Variants in ROBO2 observed in about 807,000 individuals in gnomAD.
ROBO2 encodes roundabout homolog 2.
ROBO2 carries 53 observed loss-of-function variants against 160.8 expected under a neutral mutation model. The ratio of observed to expected loss-of-function variants is 0.33; its 90% CI spans 0.26 to 0.41. The LOEUF is 0.41. ROBO2 is among the 10% of genes least tolerant of loss of function. The probability of loss-of-function intolerance (pLI) is 1.00; values close to 1 mark genes in which losing one functional copy is unlikely to be tolerated. For synonymous variants in ROBO2, 664 were observed against 611.7 expected (o/e 1.09, Z -1.26); for missense variants, 1,577 against 1,722.4 (o/e 0.92, Z 1.49).
At chr3:77,501,028 G>T (rs1239307693) in intron 5 of ROBO2, among the ~76,000 whole-genome samples, 1 of 152,176 alleles carries the variant, frequency 6.6e-6, no homozygotes, top group Non-Finnish European at 1.5e-5. Context: ...AGAGCAAAAG[G>T]ATCTGTCTGT....
At chr3:77,610,895 T>G (rs1345352440) in intron 21 of ROBO2, among the ~76,000 whole-genome samples, 10 of 152,108 alleles carry the variant, frequency 6.6e-5, no homozygotes, top group Non-Finnish European at 7.4e-5. Flanking sequence ...TTGTTTTGGT[T>G]ATTCCTAAAG....
chr3:76,073,101 CT>C (rs112843159), intron 2 of ROBO2, among the ~76,000 whole-genome samples: 3,120 of 152,060 alleles, frequency 0.021, 44 homozygotes, highest in East Asian at 0.08. Context: ...GTCTGATCTG[CT>C]TACTGCTCTT....
intron 2 of ROBO2, among the ~76,000 whole-genome samples, chr3:77,182,874 A>C (rs546215849): frequency 6.6e-6 from 1 of 152,192 alleles, no homozygotes; most frequent in Non-Finnish European, 1.5e-5. Flanking sequence ...CTTTTCATAA[A>C]ATACAAGTCA....
chr3:76,960,863 A>G (rs996763114), intron 2 of ROBO2, among the ~76,000 whole-genome samples: 4 of 152,216 alleles, frequency 2.6e-5, no homozygotes, highest in African/African-American at 7.2e-5. Flanking sequence ...AAGGAAAGTA[A>G]CAAAGAATAC....
intron 2 of ROBO2, among the ~76,000 whole-genome samples, chr3:76,047,713 A>G (rs984305642): frequency 6.6e-6 from 1 of 152,230 alleles, no homozygotes; most frequent in Non-Finnish European, 1.5e-5. Flanking sequence ...ACCAGAGACA[A>G]TATGCCTGCG....
chr3:76,436,992 A>G (rs1234746648), intron 2 of ROBO2, among the ~76,000 whole-genome samples: 4 of 152,210 alleles, frequency 2.6e-5, no homozygotes, highest in Non-Finnish European at 1.5e-5. Flanking sequence ...ATGCTATCAC[A>G]GTAACATTTA....
At chr3:76,040,988 C>T (rs1176915059) in intron 2 of ROBO2, among the ~76,000 whole-genome samples, 1 of 151,904 alleles carries the variant, frequency 6.6e-6, no homozygotes, top group Non-Finnish European at 1.5e-5. Context: ...GACTCTATCT[C>T]AAAAAACAAA....
intron 2 of ROBO2, among the ~76,000 whole-genome samples, chr3:77,412,941 G>T (rs918160015): frequency 6.6e-6 from 1 of 152,190 alleles, no homozygotes; most frequent in Admixed American, 6.5e-5. Flanking sequence ...TAAGGGCTGG[G>T]CACAGTGGCT....
rs776741590 is a variant in ROBO2 at position 77,563,159 on chromosome 3, C to G, written c.1520-8C>G. The G allele has an allele frequency of 4.3e-6, 7 of 1,612,748 alleles. No individual in the cohort carries two copies. The highest frequency in any genetic ancestry group is 5.9e-6 in the Non-Finnish European group (7 of 1,179,574). On this transcript the variant is annotated splice_polypyrimidine_tract_variant and splice_region_variant and intron_variant, in intron 10 of 25. Coordinates refer to ENST00000461745, the Ensembl canonical transcript of ROBO2. ...AGGAATGAAGTTTTTTCTGTCTGTC[C>G]TCTATAGAGTCTGGAGCAACAATCA...
chr3:77,198,880 G>C (rs1337787734), intron 2 of ROBO2, among the ~76,000 whole-genome samples: 2 of 151,844 alleles, frequency 1.3e-5, no homozygotes, highest in Non-Finnish European at 1.5e-5. Context: ...TCCAGCCTGG[G>C]CAACAGGGCG....
chr3:76,134,618 G>A (rs901960254), intron 2 of ROBO2, among the ~76,000 whole-genome samples: 2 of 151,992 alleles, frequency 1.3e-5, no homozygotes, highest in African/African-American at 4.8e-5. Flanking sequence ...CCTGAGCTTG[G>A]AAAAAGATCA....
At chr3:76,970,352 T>C (rs758248503) in intron 2 of ROBO2, among the ~76,000 whole-genome samples, 2 of 152,128 alleles carry the variant, frequency 1.3e-5, no homozygotes, top group Non-Finnish European at 2.9e-5. Context: ...AATATATCAT[T>C]TAAAGAAAGA....
intron 2 of ROBO2, among the ~76,000 whole-genome samples, chr3:76,603,363 T>A (rs1298377945): frequency 2.3e-4 from 30 of 129,230 alleles, no homozygotes; most frequent in African/African-American, 7.3e-4. Context: ...TATATATATA[T>A]ATATATATAT....
chr3:76,857,343 AAATGT>A (rs1359520708), intron 2 of ROBO2, among the ~76,000 whole-genome samples: 3 of 152,166 alleles, frequency 2.0e-5, no homozygotes, highest in Non-Finnish European at 4.4e-5. Flanking sequence ...TTGAAATGCT[AAATGT>A]AATGTAACAG....
At chr3:77,307,811 A>T (rs1431028682) in intron 2 of ROBO2, among the ~76,000 whole-genome samples, 1 of 152,144 alleles carries the variant, frequency 6.6e-6, no homozygotes. Flanking sequence ...TGAACCCCTG[A>T]GGTGGTGGTT....
intron 2 of ROBO2, among the ~76,000 whole-genome samples, chr3:77,397,638 ATG>A (rs1177873500): frequency 1.3e-5 from 2 of 152,074 alleles, no homozygotes; most frequent in Non-Finnish European, 1.5e-5. Context: ...CTTTTGGCAA[ATG>A]TGTGTGTGTA....
At chr3:77,416,492 G>A (rs1202920352) in intron 2 of ROBO2, among the ~76,000 whole-genome samples, 1 of 152,064 alleles carries the variant, frequency 6.6e-6, no homozygotes, top group Non-Finnish European at 1.5e-5. Flanking sequence ...ACTGAAGCGG[G>A]TGGATCACAG....
intron 6 of ROBO2, among the ~76,000 whole-genome samples, chr3:77,526,128 A>G (rs940435681): frequency 6.6e-6 from 1 of 151,442 alleles, no homozygotes; most frequent in Admixed American, 6.6e-5. Context: ...GTTAGGCCAC[A>G]TTAGGGTTCC....
At chr3:77,069,608 A>G (rs903084762) in intron 1 of ROBO2, among the ~76,000 whole-genome samples, 18 of 152,318 alleles carry the variant, frequency 1.2e-4, no homozygotes, top group Admixed American at 9.8e-4. Flanking sequence ...TTGTTGACAC[A>G]TCTGGTGGTG....
Sources: gnomAD v4.1 joint callset for allele counts (sites outside exome capture counted in the v4.1 genomes callset) on GRCh38, gnomAD v4.1.1 for gene constraint, MANE v1.5 for transcripts, NCBI Gene and HGNC (gene_info 2026-07-23, HGNC 2026-07-21) for gene names.